The following SESN1 variants were observed in gnomAD, a reference collection of about 807,000 sequenced individuals.
The protein encoded by SESN1 is sestrin-1.
SESN1 carries 30 observed loss-of-function variants against 59.3 expected under a neutral mutation model. The ratio of observed to expected loss-of-function variants is 0.51; its 90% CI spans 0.38 to 0.69. SESN1 has a LOEUF of 0.69. SESN1 is among the 30% of genes least tolerant of loss of function. The pLI, the probability that SESN1 is intolerant of heterozygous loss-of-function variation, is 0.00. For missense variants in SESN1, 566 were observed against 673.0 expected, an observed-to-expected ratio of 0.84 and a Z score of 1.76; for synonymous variants, 197 against 219.9, an observed-to-expected ratio of 0.90 and a Z score of 0.92.
chr6:109,052,504 AT>A (rs959193933), intron 1 of SESN1, among the ~76,000 whole-genome samples: 9 of 152,160 alleles, frequency 5.9e-5, no homozygotes, highest in African/African-American at 2.2e-4. Flanking sequence ...GAGATCAAAC[AT>A]TACTTAAAAT....
intron 1 of SESN1, among the ~76,000 whole-genome samples, chr6:109,044,995 C>T (rs1244171316): frequency 6.6e-6 from 1 of 152,004 alleles, no homozygotes; most frequent in African/African-American, 2.4e-5. Context: ...TGCACTCCAT[C>T]CTGGGCAACA....
At chr6:109,027,476 C>CAAAAAAAAA (rs57225616) in intron 1 of SESN1, among the ~76,000 whole-genome samples, 1 of 27,322 alleles carries the variant, frequency 3.7e-5, no homozygotes, top group Non-Finnish European at 7.7e-5. Context: ...GACTCTGTCT[C>CAAAAAAAAA]AAAAAAAAAA....
At chr6:109,061,245 G>A (rs536435977) in intron 1 of SESN1, among the ~76,000 whole-genome samples, 4 of 151,966 alleles carry the variant, frequency 2.6e-5, no homozygotes, top group Non-Finnish European at 4.4e-5. Context: ...CTGATTCCAT[G>A]TATTAAACCT....
chr6:108,993,660 C>T (rs780639565), intron 6 of SESN1, among the ~76,000 whole-genome samples: 21 of 152,054 alleles, frequency 1.4e-4, no homozygotes, highest in Non-Finnish European at 2.6e-4. Flanking sequence ...TCTCCTGTAG[C>T]CTGCATATAG....
chr6:109,052,062 T>G (rs1583287937), intron 1 of SESN1, among the ~76,000 whole-genome samples: 1 of 152,216 alleles, frequency 6.6e-6, no homozygotes, highest in East Asian at 1.9e-4. Context: ...TTGAGGTTTT[T>G]GCCATTACTT....
chr6:109,017,866 T>A (rs995210441), intron 1 of SESN1, among the ~76,000 whole-genome samples: 1 of 152,220 alleles, frequency 6.6e-6, no homozygotes, highest in Admixed American at 6.5e-5. Context: ...AAAGTTCTAA[T>A]CTTTTAATAT....
In SESN1 at chr6:109,093,905, C is replaced by A. The variant is rs1174580743; in HGVS notation, c.169G>T (p.Glu57Ter). 6.2e-7 allele frequency: 1 copy of A among 1,614,082 alleles called. No homozygotes were observed. Among genetic ancestry groups the A allele is most frequent in the Non-Finnish European group, 8.5e-7 (1 of 1,180,046 alleles). ...AGCTTATTCAACCCATCCGAAGACT[C>A]GGTATTTGAAAGCCCGTCTGATGGA... ...HRPSDGLSNT[E>*]SSDGLNKLLA... Residue 57 changes from glutamate to a stop codon, truncating the protein, a stop_gained, in exon 1 of 10, where the codon GAG (glutamate) becomes TAG (stop). Coordinates refer to ENST00000436639, the MANE Select transcript of SESN1 (RefSeq NM_014454.3). LOFTEE classifies it high-confidence loss of function.
At chr6:108,989,434 T>TAG (rs1779299833) in intron 8 of SESN1, among the ~76,000 whole-genome samples, 1 of 148,820 alleles carries the variant, frequency 6.7e-6, no homozygotes, top group African/African-American at 2.6e-5. Context: ...GATATATATC[T>TAG]AGATCTAGAT....
At chr6:109,045,005 A>G (rs1216594759) in intron 1 of SESN1, among the ~76,000 whole-genome samples, 2 of 151,976 alleles carry the variant, frequency 1.3e-5, no homozygotes, top group African/African-American at 4.8e-5. Flanking sequence ...CCTGGGCAAC[A>G]AGAGCGAGAC....
At chr6:109,041,057 T>C (rs1356836945) in intron 1 of SESN1, among the ~76,000 whole-genome samples, 1 of 151,688 alleles carries the variant, frequency 6.6e-6, no homozygotes, top group Non-Finnish European at 1.5e-5. Context: ...TCCCAGCACT[T>C]TGGGAAGCTG....
At chr6:109,008,968 G>A (rs1779795207) in intron 1 of SESN1, 1 of 1,003,128 alleles carries the variant, frequency 1.0e-6, no homozygotes, top group South Asian at 4.6e-5. Flanking sequence ...AATCGAGGGG[G>A]CATATCCACA....
chr6:109,038,997 G>A (rs1434814885), intron 1 of SESN1, among the ~76,000 whole-genome samples: 2 of 149,218 alleles, frequency 1.3e-5, no homozygotes, highest in Non-Finnish European at 3.0e-5. Flanking sequence ...GGAGGAGGAG[G>A]AGAAAAGAAG....
At chr6:109,064,850 T>C (rs1780796517) in intron 1 of SESN1, among the ~76,000 whole-genome samples, 1 of 152,136 alleles carries the variant, frequency 6.6e-6, no homozygotes, top group East Asian at 1.9e-4. Flanking sequence ...TAGCAATCTC[T>C]ACATATGTAA....
chr6:109,009,465 G>A, intron 1 of SESN1: 6 of 1,280,350 alleles, frequency 4.7e-6, no homozygotes, highest in African/African-American at 3.1e-5. Context: ...GCGCATGTCG[G>A]CGCGGGGACG....
At chr6:108,987,966 C>G (rs1485456423) in intron 9 of SESN1, among the ~76,000 whole-genome samples, 1 of 152,058 alleles carries the variant, frequency 6.6e-6, no homozygotes, top group Admixed American at 6.6e-5. Context: ...CTATGTCCAA[C>G]TAATTTTTTG....
At chr6:109,052,941 T>G (rs1259802349) in intron 1 of SESN1, among the ~76,000 whole-genome samples, 1 of 152,130 alleles carries the variant, frequency 6.6e-6, no homozygotes, top group Non-Finnish European at 1.5e-5. Flanking sequence ...GAGACAGACA[T>G]TAATCAAACA....
intron 7 of SESN1, among the ~76,000 whole-genome samples, chr6:108,991,830 C>G (rs150335824): frequency 0.036 from 5,514 of 152,278 alleles, 142 homozygotes; most frequent in Non-Finnish European, 0.056. Context: ...CAATTTTAAA[C>G]ATACACCACT....
intron 1 of SESN1, among the ~76,000 whole-genome samples, chr6:109,015,421 G>C (rs2114357802): frequency 6.6e-6 from 1 of 152,310 alleles, no homozygotes; most frequent in East Asian, 1.9e-4. Flanking sequence ...GACACTGCCT[G>C]TGTCTGACAA....
At chr6:109,054,608 C>CA (rs543498080) in intron 1 of SESN1, among the ~76,000 whole-genome samples, 9 of 151,760 alleles carry the variant, frequency 5.9e-5, no homozygotes, top group African/African-American at 2.2e-4. Flanking sequence ...ATAGTAGGCA[C>CA]AAAAAAAATA....
Sources: allele counts gnomAD v4.1 joint callset (sites outside exome capture counted in the v4.1 genomes callset), GRCh38; gene constraint gnomAD v4.1.1; transcripts MANE v1.5; gene names NCBI Gene and HGNC (gene_info 2026-07-23, HGNC 2026-07-21).